Variants in NPAS3 observed in about 807,000 individuals in gnomAD.
The protein encoded by NPAS3 is neuronal PAS domain protein 3, also known as neuronal PAS domain-containing protein 3.
A neutral mutation model predicts 73.1 loss-of-function variants in NPAS3; 14 were observed. The observed-to-expected ratio is 0.19, with a 90% CI of 0.13 to 0.30. The LOEUF is 0.30. NPAS3 is among the 10% of genes least tolerant of loss of function. NPAS3 has a pLI of 1.00. For synonymous variants in NPAS3, 620 were observed against 541.5 expected, an observed-to-expected ratio of 1.14 and a Z score of -2.01; for missense variants, 1,096 against 1,250.0, an observed-to-expected ratio of 0.88 and a Z score of 1.86.
chr14:33,554,160 T>G (rs890346486), intron 4 of NPAS3, among the ~76,000 whole-genome samples: 1 of 152,184 alleles, frequency 6.6e-6, no homozygotes, highest in Admixed American at 6.5e-5. Context: ...ACCCATTGCT[T>G]ACGGAATGGA....
chr14:33,013,216 A>T (rs1222979114), intron 1 of NPAS3, among the ~76,000 whole-genome samples: 1 of 152,198 alleles, frequency 6.6e-6, no homozygotes, highest in Non-Finnish European at 1.5e-5. Flanking sequence ...GTTGGCTGTT[A>T]TTTCATAAAT....
chr14:33,113,575 A>G (rs1481340366), intron 2 of NPAS3, among the ~76,000 whole-genome samples: 1 of 151,974 alleles, frequency 6.6e-6, no homozygotes, highest in Non-Finnish European at 1.5e-5. Flanking sequence ...GGGCTGAGAC[A>G]ATAGGGTTTT....
rs1176625316 is a variant in NPAS3 at position 33,036,525 on chromosome 14, A to G, written c.51-19380A>G. Among the ~76,000 whole-genome samples, 2 of 152,218 alleles carry G rather than the reference A, an allele frequency of 1.3e-5. 1 individual carries two copies. The highest frequency in any genetic ancestry group is 1.3e-4 in the Admixed American group (2 of 15,278). Reference sequence around the variant, plus strand: ...ACAGAAAGCAAAATTCCTGGACTCCATAATTTTTCCAAGGCCAGAATAAAG... The same window carrying G: ...ACAGAAAGCAAAATTCCTGGACTCCGTAATTTTTCCAAGGCCAGAATAAAG... On this transcript the variant is annotated intron_variant, in intron 1 of 11. Coordinates refer to ENST00000356141, the Ensembl canonical transcript of NPAS3.
At chr14:33,014,776 A>C (rs190435987) in intron 1 of NPAS3, among the ~76,000 whole-genome samples, 1 of 152,240 alleles carries the variant, frequency 6.6e-6, no homozygotes, top group East Asian at 1.9e-4. Context: ...ATTATAAACC[A>C]ACATCAAGAG....
chr14:33,447,910 A>G (rs2049594372), intron 4 of NPAS3, among the ~76,000 whole-genome samples: 2 of 152,248 alleles, frequency 1.3e-5, no homozygotes, highest in South Asian at 4.1e-4. Flanking sequence ...GTGAGACCCT[A>G]TCTCTTAAAA....
chr14:33,583,666 C>A (rs572215066), intron 5 of NPAS3, among the ~76,000 whole-genome samples: 1 of 152,132 alleles, frequency 6.6e-6, no homozygotes, highest in East Asian at 1.9e-4. Context: ...GAAAGGGGAA[C>A]AACACCTGGA....
chr14:32,938,464 A>AGAGAGAGAGAGAAAGT (rs1475991109), upstream of NPAS3, among the ~76,000 whole-genome samples: 7 of 78,774 alleles, frequency 8.9e-5, no homozygotes, highest in Admixed American at 1.2e-4. Context: ...AGAAAGAGAG[A>AGAGAGAGAGAGAAAGT]GAGAGAGAGA....
At chr14:33,000,795 G>C (rs759409508) in intron 1 of NPAS3, among the ~76,000 whole-genome samples, 1 of 152,174 alleles carries the variant, frequency 6.6e-6, no homozygotes, top group Admixed American at 6.5e-5. Context: ...GTCAGCTGGG[G>C]TAAGTCAGAA....
chr14:33,755,710 A>T (rs1319321780), intron 7 of NPAS3, among the ~76,000 whole-genome samples: 1 of 152,172 alleles, frequency 6.6e-6, no homozygotes, highest in East Asian at 1.9e-4. Flanking sequence ...GCTATGAAAG[A>T]ATACCAGAGG....
At chr14:33,388,053 C>T (rs906718629) in intron 4 of NPAS3, among the ~76,000 whole-genome samples, 1 of 151,940 alleles carries the variant, frequency 6.6e-6, no homozygotes, top group Non-Finnish European at 1.5e-5. Flanking sequence ...TTGAGTAGGA[C>T]CTTCACTGGT....
chr14:33,058,008 T>C (rs1210022783), intron 2 of NPAS3, among the ~76,000 whole-genome samples: 1 of 152,174 alleles, frequency 6.6e-6, no homozygotes, highest in Non-Finnish European at 1.5e-5. Flanking sequence ...GTTTTTGGCT[T>C]CTGTTTATTA....
At chr14:33,736,788 G>A (rs185113170) in intron 7 of NPAS3, among the ~76,000 whole-genome samples, 2 of 152,206 alleles carry the variant, frequency 1.3e-5, no homozygotes, top group African/African-American at 4.8e-5. Context: ...ATCCCAGGAG[G>A]GAAGAAGGGT....
intron 4 of NPAS3, among the ~76,000 whole-genome samples, chr14:33,555,185 T>C (rs573854434): frequency 1.3e-5 from 2 of 152,312 alleles, no homozygotes; most frequent in South Asian, 4.1e-4. Context: ...ATCAGATACT[T>C]GCATGTCTTT....
intron 1 of NPAS3, among the ~76,000 whole-genome samples, chr14:32,963,635 G>A (rs1209771282): frequency 6.6e-6 from 1 of 152,074 alleles, no homozygotes; most frequent in African/African-American, 2.4e-5. Flanking sequence ...AGAGACAGAG[G>A]CAGTCATTAG....
At chr14:33,279,113 G>C (rs1039441335) in intron 3 of NPAS3, among the ~76,000 whole-genome samples, 1 of 152,144 alleles carries the variant, frequency 6.6e-6, no homozygotes, top group African/African-American at 2.4e-5. Context: ...CACCCTCAGG[G>C]TTGCTGATTC....
In NPAS3 at chr14:33,794,028, G is replaced by A. The variant is rs150843348; in HGVS notation, c.1285G>A (p.Val429Met). The change falls in exon 10 of 12, where the codon GTG becomes ATG. Residue 429 changes from valine (V) to methionine (M), a missense_variant. By Grantham distance (21) the Val-to-Met change is conservative. Around this residue, in one of 5 missense-constraint regions of NPAS3, gnomAD observed 114 missense variants for 220.3 expected, o/e 0.52. Coordinates refer to ENST00000356141, the Ensembl canonical transcript of NPAS3. ...TGCAAATGAAAAGAATATCATCTGG[G>A]TGAATTACCTTCTTAGGTATATTTT... 8 of 1,612,910 alleles carry A rather than the reference G, an allele frequency of 5.0e-6. No individual in the cohort carries two copies. The South Asian group carries it at 7.7e-5, about 16-fold the overall frequency.
chr14:33,433,605 T>G (rs2048866158), intron 4 of NPAS3, among the ~76,000 whole-genome samples: 1 of 152,244 alleles, frequency 6.6e-6, no homozygotes, highest in Admixed American at 6.5e-5. Context: ...CTTATATTGC[T>G]TTTCTTAGCA....
chr14:33,754,332 G>A lies in NPAS3; in HGVS notation c.852+19000G>A, dbSNP rs2062051097. Among the ~76,000 whole-genome samples, 3 of 152,102 alleles carry A rather than the reference G, an allele frequency of 2.0e-5. No individual in the cohort carries two copies. The South Asian group carries it at 6.2e-4, about 32-fold the overall frequency. ...GAGACACAGCAGAGTAAGAGCCTTT[G>A]GCCAAGAGGAGGGAGGAGAGGAATA... On this transcript the variant is annotated intron_variant, in intron 7 of 11. Transcript: ENST00000356141.
chr14:33,021,008 C>T (rs1279273601), intron 1 of NPAS3, among the ~76,000 whole-genome samples: 2 of 152,194 alleles, frequency 1.3e-5, no homozygotes, highest in Non-Finnish European at 2.9e-5. Context: ...GGTGATCCAC[C>T]TGCCTCAGCC....
Sources: gnomAD v4.1 joint callset for allele counts (sites outside exome capture counted in the v4.1 genomes callset) on GRCh38, gnomAD v4.1.1 for gene constraint, gnomAD v4.1.1 regional missense constraint, MANE v1.5 for transcripts, NCBI Gene and HGNC (gene_info 2026-07-23, HGNC 2026-07-21) for gene names.